LAMA4: variants seen among roughly 807,000 people sequenced by gnomAD.
LAMA4 encodes the protein laminin subunit alpha-4.
In LAMA4, 127 loss-of-function variants were observed where a neutral mutation model predicts 207.1. The observed-to-expected ratio is 0.61, with a 90% CI of 0.53 to 0.71. The LOEUF (loss-of-function observed/expected upper bound fraction) is 0.71. Among genes scored for constraint, LAMA4 ranks in the 30% least tolerant of loss-of-function variants. The pLI is 0.00. For synonymous variants in LAMA4, 761 were observed against 816.0 expected (o/e 0.93, Z 1.15); for missense variants, 2,093 against 2,246.5 (o/e 0.93, Z 1.38).
intron 2 of LAMA4, chr6:112,234,859 C>T (rs1234253496): frequency 6.6e-6 from 1 of 152,166 alleles, no homozygotes; most frequent in African/African-American, 2.4e-5. Flanking sequence ...AAGAGCCCAG[C>T]CCTTTAATAA....
intron 25 of LAMA4, 134 bp from the exon 26 acceptor site, chr6:112,134,743 G>A: frequency 1.4e-6 from 1 of 711,502 alleles, no homozygotes. Flanking sequence ...TCACAAAATG[G>A]GGAATAGATA....
At position 112,109,116 on chromosome 6, in the gene LAMA4, A is replaced by G; in HGVS notation, c.*321T>C. 2 of 330,228 alleles carry G rather than the reference A, an allele frequency of 6.1e-6. No individual in the cohort carries two copies. The highest frequency in any genetic ancestry group is 6.6e-5 in the South Asian group (2 of 30,442). The allele number at this position is 330,228 out of a possible 1,614,324, so 20.5% of individuals were successfully genotyped here. A position where few individuals can be genotyped will look rare whatever the true frequency, so the allele number is the denominator to read the frequency against. On this transcript the variant is annotated 3_prime_UTR_variant, in exon 39 of 39. Coordinates refer to ENST00000230538, the MANE Select transcript of LAMA4 (RefSeq NM_001105206.3). ...CTGAGAATCTAGCCGCACTTCAAAA[A>G]TGTGTGCAAGTGTTTATTTGGAATC...
At chr6:112,126,902 GCC>G (rs1171764467) in intron 31 of LAMA4, among the ~76,000 whole-genome samples, 1 of 152,128 alleles carries the variant, frequency 6.6e-6, no homozygotes, top group African/African-American at 2.4e-5. Flanking sequence ...AATTGGTATT[GCC>G]TCAATATTGA....
In LAMA4 at chr6:112,187,490, C is replaced by T. The variant is rs782481698; in HGVS notation, c.926G>A (p.Arg309Lys). 2 of 1,613,984 alleles carry T rather than the reference C, an allele frequency of 1.2e-6. No homozygotes were observed. The highest frequency in any genetic ancestry group is 1.7e-6 in the Non-Finnish European group (2 of 1,180,018). The change falls in exon 8 of 39, where the codon AGG becomes AAG. Residue 309 changes from arginine (R) to lysine (K), a missense_variant. Arg to Lys is a conservative substitution (Grantham distance 26). Transcript: ENST00000230538. ...LSVSSGAAAH[R>K]HVNEINATIY... The stretch of plus-strand genomic sequence containing the variant: ...GGTGGCGTTGATTTCATTCACGTGC[C>T]TATGAGCGGCGGCCCCAGAGGATAC...
intron 35 of LAMA4, among the ~76,000 whole-genome samples, chr6:112,116,635 C>T (rs1378798244): frequency 6.6e-6 from 1 of 152,084 alleles, no homozygotes; most frequent in Non-Finnish European, 1.5e-5. Flanking sequence ...TGAGGTGATC[C>T]AATAAAATTC....
Position 112,139,108 on chromosome 6 carries a change from AT to A in LAMA4, c.3282+11del. 6.2e-7 allele frequency: 1 copy of A among 1,613,312 alleles called. No homozygotes were observed. Among genetic ancestry groups the A allele is most frequent in the Non-Finnish European group, 8.5e-7 (1 of 1,179,264 alleles). On this transcript the variant is annotated intron_variant, in intron 24 of 38. Transcript: ENST00000230538. ...ATAAAGGAGAAGTAGTAGGACTTGT[AT>A]TTTTACTCACTCCATTGACCATCAG...
At chr6:112,223,974 T>A (rs1785059724) in intron 2 of LAMA4, among the ~76,000 whole-genome samples, 1 of 152,220 alleles carries the variant, frequency 6.6e-6, no homozygotes, top group African/African-American at 2.4e-5. Context: ...TCTTGACTCA[T>A]CCTTGTGTCC....
chr6:112,237,529 T>C (rs1786020253), intron 2 of LAMA4, among the ~76,000 whole-genome samples: 1 of 152,192 alleles, frequency 6.6e-6, no homozygotes, highest in Non-Finnish European at 1.5e-5. Context: ...GCTGCTGTGA[T>C]TGAAGGAGGT....
In LAMA4 at chr6:112,216,436, C is replaced by T; in HGVS notation, c.229G>A (p.Gly77Arg). The T allele has an allele frequency of 6.2e-7, 1 of 1,613,922 alleles. No homozygotes were observed. The highest frequency in any genetic ancestry group is 2.2e-5 in the East Asian group (1 of 44,876). ...TTACAGTCGCAGGGCACACATTCTCCCGACAGGGTGTGAAAGAATCCAGCA... is the reference window on the plus strand; with the variant it reads ...TTACAGTCGCAGGGCACACATTCTCTCGACAGGGTGTGAAAGAATCCAGCA... ...CNAGFFHTLS[G>R]ECVPCDCNGN... Residue 77 changes from glycine (G) to arginine (R), a missense_variant, in exon 3 of 39, where the codon GGA (glycine) becomes AGA (arginine). Coordinates refer to ENST00000230538, the MANE Select transcript of LAMA4 (RefSeq NM_001105206.3).
intron 5 of LAMA4, among the ~76,000 whole-genome samples, chr6:112,195,107 T>A (rs1783334444): frequency 6.6e-6 from 1 of 152,150 alleles, no homozygotes; most frequent in African/African-American, 2.4e-5. Context: ...CTGCTCCTCC[T>A]CCCAGGGCTA....
chr6:112,139,405 T>A, intron 23 of LAMA4, 114 bp from the exon 24 acceptor site: 1 of 1,122,344 alleles, frequency 8.9e-7, no homozygotes, highest in Non-Finnish European at 1.3e-6. Context: ...AACATTTAAA[T>A]GAAGTCCTGT....
intron 2 of LAMA4, among the ~76,000 whole-genome samples, chr6:112,224,810 T>C (rs1785116046): frequency 8.6e-6 from 1 of 115,644 alleles, no homozygotes; most frequent in Non-Finnish European, 1.7e-5. Flanking sequence ...AGCAAGACTG[T>C]CTCAAAAAAA....
At chr6:112,172,252 A>T (rs1781758520) in intron 12 of LAMA4, 1 of 242,396 alleles carries the variant, frequency 4.1e-6, no homozygotes, top group African/African-American at 2.3e-5. Flanking sequence ...GCCTTTCCAA[A>T]AATTATGCAT....
intron 4 of LAMA4, among the ~76,000 whole-genome samples, chr6:112,206,300 CTT>C (rs1554354220): frequency 6.6e-6 from 1 of 152,158 alleles, no homozygotes; most frequent in African/African-American, 2.4e-5. Context: ...ACTGTGGAAA[CTT>C]AGTGTCAGAA....
rs558663809 is a variant in LAMA4 at position 112,239,963 on chromosome 6, G to A, written c.195+13993C>T. ...CCTGTAGTCCCGGGAGGCTGAGGCA[G>A]GAGGATGGCGTGAACCCGGGAGGCG... On this transcript the variant is annotated intron_variant, in intron 2 of 38. Coordinates refer to ENST00000230538, the MANE Select transcript of LAMA4 (RefSeq NM_001105206.3). 2.0e-5 allele frequency among the ~76,000 whole-genome samples: 3 copies of A among 152,214 alleles called. No homozygotes were observed. In the South Asian group the frequency reaches 6.2e-4, roughly 32 times the overall value.
intron 17 of LAMA4, among the ~76,000 whole-genome samples, chr6:112,149,762 T>G (rs1308758960): frequency 6.6e-6 from 1 of 152,124 alleles, no homozygotes; most frequent in Non-Finnish European, 1.5e-5. Flanking sequence ...CAATAAACAG[T>G]CATTCTGATG....
At chr6:112,164,660 T>C (rs1257079870) in intron 13 of LAMA4, among the ~76,000 whole-genome samples, 3 of 152,220 alleles carry the variant, frequency 2.0e-5, no homozygotes, top group Admixed American at 2.0e-4. Flanking sequence ...AAGAGTAATT[T>C]CATGATAGTT....
At chr6:112,139,078 A>G (rs1554332284) in intron 24 of LAMA4, 42 bp downstream of exon 24, 1 of 1,585,192 alleles carries the variant, frequency 6.3e-7, no homozygotes, top group Admixed American at 1.7e-5. Flanking sequence ...CAGAAAGTAA[A>G]GGAAATAAAG....
chr6:112,191,912 CT>C, intron 5 of LAMA4, 62 bp from the exon 6 acceptor site: 2 of 1,267,640 alleles, frequency 1.6e-6, no homozygotes, highest in Admixed American at 3.7e-5. Flanking sequence ...TTTTAATCTT[CT>C]TTCCTACAAA....
Sources: allele counts gnomAD v4.1 joint callset (sites outside exome capture counted in the v4.1 genomes callset), GRCh38; gene constraint gnomAD v4.1.1; transcripts MANE v1.5; gene names NCBI Gene and HGNC (gene_info 2026-07-23, HGNC 2026-07-21).